The following TMEM132D variants were observed in gnomAD, a reference collection of about 807,000 sequenced individuals.
The protein encoded by TMEM132D is transmembrane protein 132D.
TMEM132D carries 21 observed loss-of-function variants against 62.3 expected under a neutral mutation model. The observed-to-expected ratio is 0.34, with a 90% CI of 0.24 to 0.49. TMEM132D has a LOEUF of 0.49. TMEM132D is among the 20% of genes least tolerant of loss of function. The pLI is 0.99. For synonymous variants in TMEM132D, 621 were observed against 575.6 expected (o/e 1.08, Z -1.13); for missense variants, 1,346 against 1,402.8 (o/e 0.96, Z 0.65).
At chr12:129,280,497 T>C (rs974501623) in intron 4 of TMEM132D, among the ~76,000 whole-genome samples, 32 of 152,216 alleles carry the variant, frequency 2.1e-4, no homozygotes, top group Non-Finnish European at 3.5e-4. Context: ...AATCAGATGA[T>C]TGTTTCCTTA....
At chr12:129,289,566 A>AAAAAAAAAAAAAAAAAAAAG (rs1566023043) in intron 4 of TMEM132D, among the ~76,000 whole-genome samples, 9 of 144,776 alleles carry the variant, frequency 6.2e-5, no homozygotes, top group South Asian at 2.2e-4. Context: ...AAAAAAAAAG[A>AAAAAAAAAAAAAAAAAAAAG]AAAAAAAGAA....
At chr12:129,790,323 A>G (rs1871367570) in intron 1 of TMEM132D, among the ~76,000 whole-genome samples, 1 of 152,130 alleles carries the variant, frequency 6.6e-6, no homozygotes, top group African/African-American at 2.4e-5. Context: ...TTGCACTCGC[A>G]CCTGAATTTT....
chr12:129,872,599 G>C (rs1269000748), intron 1 of TMEM132D, among the ~76,000 whole-genome samples: 1 of 152,358 alleles, frequency 6.6e-6, no homozygotes, highest in East Asian at 1.9e-4. Context: ...ATGCTGTTTA[G>C]AAGAGTCATG....
intron 5 of TMEM132D, among the ~76,000 whole-genome samples, chr12:129,199,327 C>G (rs1419631552): frequency 2.6e-5 from 4 of 152,092 alleles, no homozygotes; most frequent in African/African-American, 9.7e-5. Flanking sequence ...GTCTCGAACT[C>G]CTGAGCTCAT....
At position 129,490,418 on chromosome 12, in the gene TMEM132D, CTTTCCTTTTT is replaced by C. The variant is rs1231152748; in HGVS notation, c.1115+40631_1115+40640del. Among the ~76,000 whole-genome samples the C allele has an allele frequency of 9.7e-5, 11 of 113,074 alleles. No homozygotes were observed. In the East Asian group the frequency reaches 1.5e-3, roughly 16 times the overall value. 74.2% of individuals were successfully genotyped at this position (113,074 alleles called of 152,430 possible). A position where few individuals can be genotyped will look rare whatever the true frequency, so the allele number is the denominator to read the frequency against. ...AATTTCACCTGAACATCATAATTTCCTTTCCTTTTTTTTTTTTTTTTTTTTTTTTTGAGAC... is the reference window on the plus strand; with the variant it reads ...AATTTCACCTGAACATCATAATTTCCTTTTTTTTTTTTTTTTTTTTGAGAC... On this transcript the variant is annotated intron_variant, in intron 3 of 8. Coordinates refer to ENST00000422113, the MANE Select transcript of TMEM132D (RefSeq NM_133448.3).
chr12:129,168,300 C>G (rs768143436), intron 5 of TMEM132D, among the ~76,000 whole-genome samples: 2 of 152,072 alleles, frequency 1.3e-5, no homozygotes, highest in Non-Finnish European at 2.9e-5. Context: ...TCACATACCA[C>G]ACAAATTATC....
intron 1 of TMEM132D, among the ~76,000 whole-genome samples, chr12:129,782,686 TTCTGATAAATCCAGGTAAG>T (rs916049257): frequency 1.3e-5 from 2 of 151,992 alleles, no homozygotes; most frequent in African/African-American, 4.8e-5. Flanking sequence ...ACAGGTGTAT[TTCTGATAAATCCAGGTAAG>T]TCTGATAAAT....
chr12:129,754,005 G>A (rs1036166863), intron 1 of TMEM132D, among the ~76,000 whole-genome samples: 3 of 152,056 alleles, frequency 2.0e-5, no homozygotes, highest in African/African-American at 7.3e-5. Context: ...AGCAACTTTG[G>A]CTTTTGAGTT....
intron 4 of TMEM132D, among the ~76,000 whole-genome samples, chr12:129,242,589 T>G (rs962710211): frequency 5.9e-5 from 9 of 152,184 alleles, no homozygotes; most frequent in Non-Finnish European, 1.0e-4. Flanking sequence ...TTATCACCAC[T>G]TGTATATTTG....
chr12:129,438,664 G>A (rs1566068754), intron 3 of TMEM132D, among the ~76,000 whole-genome samples: 1 of 152,108 alleles, frequency 6.6e-6, no homozygotes, highest in Non-Finnish European at 1.5e-5. Flanking sequence ...TTGGGAAGAA[G>A]GAGATGTTCT....
At chr12:129,181,029 C>G (rs1878051808) in intron 5 of TMEM132D, among the ~76,000 whole-genome samples, 1 of 152,080 alleles carries the variant, frequency 6.6e-6, no homozygotes. Context: ...TATGAGGATG[C>G]TGCCATTATC....
intron 1 of TMEM132D, among the ~76,000 whole-genome samples, chr12:129,830,004 C>T (rs1751509203): frequency 6.6e-6 from 1 of 152,024 alleles, no homozygotes; most frequent in Non-Finnish European, 1.5e-5. Flanking sequence ...AGAGTGTGAT[C>T]TCACTCAGCT....
chr12:129,822,741 T>C (rs1317034609), intron 1 of TMEM132D, among the ~76,000 whole-genome samples: 2 of 152,080 alleles, frequency 1.3e-5, no homozygotes, highest in African/African-American at 4.8e-5. Context: ...AAGGGGGAAG[T>C]CCCTTATAAA....
At chr12:129,105,350 A>C (rs1216760429) in intron 5 of TMEM132D, among the ~76,000 whole-genome samples, 3 of 138,644 alleles carry the variant, frequency 2.2e-5, no homozygotes, top group Non-Finnish European at 3.0e-5. Context: ...CAATGAGAAC[A>C]CATGGACAAA....
chr12:129,469,402 A>G (rs948118860), intron 3 of TMEM132D, among the ~76,000 whole-genome samples: 1 of 152,188 alleles, frequency 6.6e-6, no homozygotes, highest in Non-Finnish European at 1.5e-5. Flanking sequence ...CAAGTTCTCC[A>G]TAACTACTGA....
chr12:129,110,764 C>T (rs1384951235), intron 5 of TMEM132D: 1 of 152,272 alleles, frequency 6.6e-6, no homozygotes, highest in Admixed American at 6.5e-5. Context: ...AGGCCCATGA[C>T]CCTCCATCGG....
intron 4 of TMEM132D, among the ~76,000 whole-genome samples, chr12:129,293,775 G>A (rs1421590573): frequency 6.6e-6 from 1 of 152,166 alleles, no homozygotes; most frequent in Non-Finnish European, 1.5e-5. Flanking sequence ...GGTAGAGCTT[G>A]GGTAGTAATG....
chr12:129,575,274 A>G lies in TMEM132D; in HGVS notation c.969-44069T>C, dbSNP rs184828631. ...ACTGGTGAGGCTACCCATCAACAGTAGGCTATTAGTAATTAAGTTTTGGAG... is the reference window on the plus strand; with the variant it reads ...ACTGGTGAGGCTACCCATCAACAGTGGGCTATTAGTAATTAAGTTTTGGAG... On this transcript the variant is annotated intron_variant, in intron 2 of 8. Transcript: ENST00000422113. Among the ~76,000 whole-genome samples the G allele has an allele frequency of 7.9e-5, 12 of 151,958 alleles. No individual in the cohort carries two copies. In the East Asian group the frequency reaches 1.5e-3, roughly 20 times the overall value.
chr12:129,757,592 C>CTT (rs1870211671), intron 1 of TMEM132D, among the ~76,000 whole-genome samples: 2 of 152,176 alleles, frequency 1.3e-5, no homozygotes, highest in African/African-American at 4.8e-5. Context: ...CCACCTACTT[C>CTT]TTCTCCAGTA....
Sources: gnomAD v4.1 joint callset for allele counts (sites outside exome capture counted in the v4.1 genomes callset) on GRCh38, gnomAD v4.1.1 for gene constraint, MANE v1.5 for transcripts, NCBI Gene and HGNC (gene_info 2026-07-23, HGNC 2026-07-21) for gene names.